NRXN1: variants seen among roughly 807,000 people sequenced by gnomAD.
NRXN1 encodes the protein neurexin 1, also known as neurexin-1.
In NRXN1, 39 loss-of-function variants were observed where a neutral mutation model predicts 150.9. The observed-to-expected ratio is 0.26, with a 90% CI of 0.20 to 0.34. The LOEUF (loss-of-function observed/expected upper bound fraction) is 0.34, where lower values mean the gene tolerates loss of function less well. Ranked by LOEUF, NRXN1 falls within the 10% of genes least tolerant of loss-of-function variation. The pLI, the probability that NRXN1 is intolerant of heterozygous loss-of-function variation, is 1.00. For synonymous variants in NRXN1, 924 were observed against 757.0 expected (o/e 1.22, Z -3.62); for missense variants, 1,815 against 1,949.9 (o/e 0.93, Z 1.30).
chr2:50,476,900 A>G (rs568235184), intron 15 of NRXN1, among the ~76,000 whole-genome samples: 1 of 152,212 alleles, frequency 6.6e-6, no homozygotes, highest in East Asian at 1.9e-4. Flanking sequence ...AGGACAAAAA[A>G]ACTCTATGAA....
intron 17 of NRXN1, among the ~76,000 whole-genome samples, chr2:50,300,916 G>A (rs991723741): frequency 1.3e-4 from 20 of 152,026 alleles, no homozygotes; most frequent in Non-Finnish European, 2.4e-4. Flanking sequence ...GGCTGGTCTC[G>A]AACTCCTGAC....
At chr2:50,146,804 T>C (rs1260816869) in intron 18 of NRXN1, among the ~76,000 whole-genome samples, 1 of 151,662 alleles carries the variant, frequency 6.6e-6, no homozygotes, top group Non-Finnish European at 1.5e-5. Flanking sequence ...TAAAATTCCT[T>C]TCTTTGTGTT....
At chr2:50,019,236 C>T in intron 21 of NRXN1, 2 of 471,490 alleles carry the variant, frequency 4.2e-6, no homozygotes, top group South Asian at 3.1e-5. Context: ...TTAGTACTTA[C>T]TTGTTTTCTT....
chr2:50,667,511 T>C (rs772255888), intron 5 of NRXN1, among the ~76,000 whole-genome samples: 5 of 151,974 alleles, frequency 3.3e-5, no homozygotes, highest in Non-Finnish European at 7.4e-5. Flanking sequence ...CAAGTAAAGC[T>C]ATGTTGTTAA....
chr2:50,053,306 T>C lies in NRXN1; in HGVS notation c.4093A>G (p.Arg1365Gly). Residue 1365 changes from arginine to glycine, a missense_variant, in exon 21 of 23, where the codon AGA becomes GGA. Transcript: ENST00000401669. ...TTTLATSTAR[R>G]GKPPTKEPIS... The stretch of plus-strand genomic sequence containing the variant: ...GGTTCTTTTGTCGGGGGCTTTCCTC[T>C]TCTGGCTGTGCTAGTAGCCAGGGTC... The C allele has an allele frequency of 6.2e-7, 1 of 1,614,034 alleles. No homozygotes were observed.
At chr2:50,711,964 G>A (rs1202553518) in intron 5 of NRXN1, among the ~76,000 whole-genome samples, 3 of 152,066 alleles carry the variant, frequency 2.0e-5, no homozygotes, top group Non-Finnish European at 4.4e-5. Context: ...CCAGAGCTGT[G>A]AGAAATAATT....
chr2:50,871,555 T>C (rs1304283373), intron 5 of NRXN1, among the ~76,000 whole-genome samples: 2 of 151,976 alleles, frequency 1.3e-5, no homozygotes, highest in South Asian at 2.1e-4. Flanking sequence ...AAGAGAAATA[T>C]ACAGGCACAG....
chr2:50,557,766 C>T (rs1281817928), intron 8 of NRXN1, among the ~76,000 whole-genome samples: 1 of 152,084 alleles, frequency 6.6e-6, no homozygotes, highest in Admixed American at 6.6e-5. Flanking sequence ...ATTGATGGAG[C>T]TACACAATTT....
chr2:50,373,022 T>A (rs565830627), intron 17 of NRXN1, among the ~76,000 whole-genome samples: 1 of 152,098 alleles, frequency 6.6e-6, no homozygotes, highest in Admixed American at 6.6e-5. Context: ...TTGTTCCTTA[T>A]AAAAGACATT....
At chr2:51,029,687 T>A (rs887428747) in intron 1 of NRXN1, among the ~76,000 whole-genome samples, 2 of 152,248 alleles carry the variant, frequency 1.3e-5, no homozygotes, top group African/African-American at 4.8e-5. Flanking sequence ...CATTTTATTT[T>A]TCTTAGAAGG....
At chr2:49,986,437 C>T (rs1375548279) in intron 21 of NRXN1, among the ~76,000 whole-genome samples, 1 of 152,074 alleles carries the variant, frequency 6.6e-6, no homozygotes, top group Non-Finnish European at 1.5e-5. Context: ...GAAAATAATA[C>T]TGTTTTACAT....
At chr2:50,148,029 G>C (rs2058456302) in intron 18 of NRXN1, among the ~76,000 whole-genome samples, 3 of 151,624 alleles carry the variant, frequency 2.0e-5, no homozygotes, top group Non-Finnish European at 4.4e-5. Context: ...CCAGTCTTAT[G>C]ATTGGGAGAA....
At chr2:50,408,675 G>C (rs934024372) in intron 17 of NRXN1, among the ~76,000 whole-genome samples, 6 of 152,194 alleles carry the variant, frequency 3.9e-5, no homozygotes, top group Admixed American at 3.9e-4. Flanking sequence ...GTATGTCTGT[G>C]TGTGCGTCTG....
chr2:50,844,149 T>C (rs149647044), intron 5 of NRXN1, among the ~76,000 whole-genome samples: 1 of 152,142 alleles, frequency 6.6e-6, no homozygotes, highest in Non-Finnish European at 1.5e-5. Context: ...ATCGGGTGTC[T>C]GGTGAGCAGG....
chr2:50,207,083 A>G (rs2062653936), intron 18 of NRXN1, among the ~76,000 whole-genome samples: 1 of 152,110 alleles, frequency 6.6e-6, no homozygotes, highest in Non-Finnish European at 1.5e-5. Context: ...AGTATGTTAG[A>G]TGCTAAAATC....
At chr2:49,951,013 A>T (rs1363046) in intron 21 of NRXN1, among the ~76,000 whole-genome samples, 63,088 of 151,674 alleles carry the variant, frequency 0.42, 13,509 homozygotes, top group South Asian at 0.53. Context: ...CTGTTTAAAA[A>T]GTATGCAATG....
intron 13 of NRXN1, among the ~76,000 whole-genome samples, chr2:50,498,198 C>T (rs2091753677): frequency 6.6e-6 from 1 of 152,094 alleles, no homozygotes; most frequent in Admixed American, 6.6e-5. Flanking sequence ...TATATATTTT[C>T]CTATACCCAG....
At chr2:50,610,322 C>G (rs942225540) in intron 8 of NRXN1, among the ~76,000 whole-genome samples, 1 of 151,672 alleles carries the variant, frequency 6.6e-6, no homozygotes, top group Non-Finnish European at 1.5e-5. Context: ...CTTTCCTATT[C>G]TTTTCCAATT....
chr2:50,594,748 A>G (rs999760293), intron 8 of NRXN1, among the ~76,000 whole-genome samples: 1 of 152,150 alleles, frequency 6.6e-6, no homozygotes, highest in Admixed American at 6.6e-5. Context: ...TGAATCCTAT[A>G]AAGAGAGGAC....
Sources: allele counts gnomAD v4.1 joint callset (sites outside exome capture counted in the v4.1 genomes callset), GRCh38; gene constraint gnomAD v4.1.1; transcripts MANE v1.5; gene names NCBI Gene and HGNC (gene_info 2026-07-23, HGNC 2026-07-21).